GCH1: variants seen among roughly 807,000 people sequenced by gnomAD.
The protein encoded by GCH1 is GTP cyclohydrolase I.
Under a neutral mutation model 25.9 loss-of-function variants are expected in GCH1, and 5 were observed. The observed-to-expected ratio is 0.19, with a 90% CI of 0.10 to 0.41. The LOEUF (loss-of-function observed/expected upper bound fraction) is 0.41, where lower values mean the gene tolerates loss of function less well. Among genes scored for constraint, GCH1 ranks in the 10% least tolerant of loss-of-function variants. The pLI is 1.00. For synonymous variants in GCH1, 159 were observed against 129.6 expected, an observed-to-expected ratio of 1.23 and a Z score of -1.54; for missense variants, 261 against 336.5, an observed-to-expected ratio of 0.78 and a Z score of 1.75.
At position 54,902,805 on chromosome 14, in the gene GCH1, G is replaced by C. The variant is rs777475712; in HGVS notation, c.-142C>G. 2 of 1,113,018 alleles carry C rather than the reference G, an allele frequency of 1.8e-6. No homozygotes were observed. Among genetic ancestry groups the C allele is most frequent in the Non-Finnish European group, 1.2e-6 (1 of 869,336 alleles). 68.9% of individuals were successfully genotyped at this position (1,113,018 alleles called of 1,614,324 possible). On this transcript the variant is annotated 5_prime_UTR_variant, in exon 1 of 6. Coordinates refer to ENST00000491895, the MANE Select transcript of GCH1 (RefSeq NM_000161.3). Reference sequence around the variant, plus strand: ...ACGCAACCTGCTTAGATCACACTCCGAGCCGGGAGCGGCCACAGGCTGGAA... The same window carrying C: ...ACGCAACCTGCTTAGATCACACTCCCAGCCGGGAGCGGCCACAGGCTGGAA...
rs9672037 is a variant in GCH1, at chr14:54,851,199, T to C, written c.510-4069A>G. Among the ~76,000 whole-genome samples, 277 of 152,316 alleles carry C rather than the reference T, an allele frequency of 1.8e-3. 1 individual carries two copies. The highest frequency in any genetic ancestry group is 6.5e-3 in the African/African-American group (270 of 41,568). On this transcript the variant is annotated intron_variant, in intron 3 of 5. Transcript: ENST00000491895. ...GAAAGCTGAAACTGGATCCCTTCCTTACACCTTATACAAAAATTAATTCCA... is the reference window on the plus strand; with the variant it reads ...GAAAGCTGAAACTGGATCCCTTCCTCACACCTTATACAAAAATTAATTCCA...
intron 1 of GCH1, among the ~76,000 whole-genome samples, chr14:54,872,683 G>T (rs2040098631): frequency 6.6e-6 from 1 of 152,060 alleles, no homozygotes; most frequent in African/African-American, 2.4e-5. Flanking sequence ...ACAACAAAAG[G>T]CAGGGGTTGC....
chr14:54,862,528 G>A (rs985493946), intron 2 of GCH1, among the ~76,000 whole-genome samples: 1 of 149,520 alleles, frequency 6.7e-6, no homozygotes, highest in Non-Finnish European at 1.5e-5. Flanking sequence ...GACCACAGGT[G>A]CATGCCACCA....
chr14:54,854,713 T>C (rs1210077252), intron 3 of GCH1, among the ~76,000 whole-genome samples: 1 of 152,200 alleles, frequency 6.6e-6, no homozygotes, highest in Non-Finnish European at 1.5e-5. Flanking sequence ...GAAAAATTAA[T>C]ACTGGAGCTA....
At chr14:54,875,195 CA>C (rs1333028938) in intron 1 of GCH1, among the ~76,000 whole-genome samples, 1 of 152,162 alleles carries the variant, frequency 6.6e-6, no homozygotes, top group African/African-American at 2.4e-5. Flanking sequence ...CGATCTTTGA[CA>C]AACCTGACAA....
intron 1 of GCH1, among the ~76,000 whole-genome samples, chr14:54,882,874 T>G (rs1349271312): frequency 6.6e-6 from 1 of 152,232 alleles, no homozygotes; most frequent in Non-Finnish European, 1.5e-5. Context: ...ATAAGGGATC[T>G]TCCTTCGCAA....
intron 3 of GCH1, among the ~76,000 whole-genome samples, chr14:54,851,736 A>T (rs1419035053): frequency 1.3e-5 from 2 of 152,162 alleles, no homozygotes; most frequent in Non-Finnish European, 2.9e-5. Context: ...GGTGCTGGAG[A>T]GGATGTGGAG....
chr14:54,874,003 C>A (rs1566673528), intron 1 of GCH1, among the ~76,000 whole-genome samples: 2 of 152,286 alleles, frequency 1.3e-5, no homozygotes, highest in East Asian at 3.9e-4. Flanking sequence ...ATGAGGCCAG[C>A]ATCATCCTGA....
chr14:54,853,726 G>C (rs2039768723), intron 3 of GCH1, among the ~76,000 whole-genome samples: 1 of 150,032 alleles, frequency 6.7e-6, no homozygotes, highest in Non-Finnish European at 1.5e-5. Context: ...TAATCAGTGA[G>C]ATTTGCCTAT....
chr14:54,886,475 G>A lies in GCH1; in HGVS notation c.343+15846C>T, dbSNP rs369395206. Among the ~76,000 whole-genome samples the A allele has an allele frequency of 1.8e-4, 28 of 152,230 alleles. 1 individual carries two copies. The highest frequency in any genetic ancestry group is 1.4e-3 in the Admixed American group (21 of 15,280). ...AAAATACAAAAAATTAGCCGGGCGC[G>A]GTGGTGGGTGCCTGTAGTCCCAGCT... On this transcript the variant is annotated intron_variant, in intron 1 of 5. Coordinates refer to ENST00000491895, the MANE Select transcript of GCH1 (RefSeq NM_000161.3).
chr14:54,896,523 C>T (rs939577740), intron 1 of GCH1, among the ~76,000 whole-genome samples: 2 of 151,688 alleles, frequency 1.3e-5, no homozygotes, highest in African/African-American at 4.9e-5. Flanking sequence ...CCCCTAGATA[C>T]AGGCTTTCAA....
intron 3 of GCH1, among the ~76,000 whole-genome samples, chr14:54,855,505 C>CA (rs764999718): frequency 0.056 from 1,993 of 35,764 alleles, 260 homozygotes; most frequent in African/African-American, 0.24. Context: ...GACCCTGTCT[C>CA]AAAAAAAAAA....
chr14:54,845,656 A>G, intron 5 of GCH1, 112 bp downstream of exon 5: 1 of 768,386 alleles, frequency 1.3e-6, no homozygotes, highest in Non-Finnish European at 2.4e-6. Context: ...ATCTACAGTT[A>G]TCATATCAGT....
intron 1 of GCH1, among the ~76,000 whole-genome samples, chr14:54,895,567 T>C (rs112162885): frequency 1.3e-5 from 2 of 152,164 alleles, no homozygotes; most frequent in Admixed American, 6.5e-5. Flanking sequence ...CCTCAGAGAA[T>C]AGCAGACTCT....
intron 1 of GCH1, among the ~76,000 whole-genome samples, chr14:54,878,829 T>G (rs1459261399): frequency 6.6e-6 from 1 of 152,172 alleles, no homozygotes; most frequent in Non-Finnish European, 1.5e-5. Context: ...AGCAGTGCAA[T>G]CACCACTCAT....
rs1330109265 is a variant in GCH1 at position 54,902,306 on chromosome 14, C to G, written c.343+15G>C. 6 of 1,610,718 alleles carry G rather than the reference C, an allele frequency of 3.7e-6. No individual in the cohort carries two copies. ...CCGCCGCCCGCACGCTCTAGCAGCC[C>G]GCGGGCGCACTGACCTGAGATGGTC... On this transcript the variant is annotated intron_variant, in intron 1 of 5. Transcript: ENST00000491895.
At position 54,872,021 on chromosome 14, in the gene GCH1, G is replaced by A. The variant is rs867519095; in HGVS notation, c.344-6585C>T. The stretch of plus-strand genomic sequence containing the variant: ...ATGCCACAAAGATACTCCTCGAGAA[G>A]AGCAACTCCAAGACACATAATTGTC... On this transcript the variant is annotated intron_variant, in intron 1 of 5. Coordinates refer to ENST00000491895, the MANE Select transcript of GCH1 (RefSeq NM_000161.3). Among the ~76,000 whole-genome samples, 64 of 152,086 alleles carry A rather than the reference G, an allele frequency of 4.2e-4. 3 individuals are homozygous for A. In the South Asian group the frequency reaches 0.012, roughly 29 times the overall value.
chr14:54,886,999 G>A (rs10498471), intron 1 of GCH1, among the ~76,000 whole-genome samples: 28,370 of 152,144 alleles, frequency 0.19, 3,401 homozygotes, highest in East Asian at 0.41. Flanking sequence ...CTAATGCCCA[G>A]AGACTGCCAG....
Position 54,843,252 on chromosome 14 carries a change from T to C in GCH1, c.*765A>G. On this transcript the variant is annotated 3_prime_UTR_variant, in exon 6 of 6. Coordinates refer to ENST00000491895, the MANE Select transcript of GCH1 (RefSeq NM_000161.3). ...TACTAAGTCTCATAAAATAATGGCT[T>C]TTTTAAAAAGGCAAAAGTATCTACA... is the stretch of plus-strand genomic sequence containing the variant. 7.2e-7 allele frequency: 1 copy of C among 1,391,718 alleles called. No individual in the cohort carries two copies. Among genetic ancestry groups the C allele is most frequent in the Non-Finnish European group, 9.3e-7 (1 of 1,079,640 alleles). The allele number at this position is 1,391,718 out of a possible 1,614,324, so 86.2% of individuals were successfully genotyped here. A position where few individuals can be genotyped will look rare whatever the true frequency, so the allele number is the denominator to read the frequency against.
Sources: gnomAD v4.1 joint callset for allele counts (sites outside exome capture counted in the v4.1 genomes callset) on GRCh38, gnomAD v4.1.1 for gene constraint, MANE v1.5 for transcripts, NCBI Gene and HGNC (gene_info 2026-07-23, HGNC 2026-07-21) for gene names.